Variants in GPM6A observed in about 807,000 individuals in gnomAD.
GPM6A encodes the protein neuronal membrane glycoprotein M6-a.
GPM6A carries 7 observed loss-of-function variants against 32.1 expected under a neutral mutation model. The ratio of observed to expected loss-of-function variants is 0.22; its 90% confidence interval spans 0.12 to 0.41. The LOEUF is 0.41. Ranked by LOEUF, GPM6A falls within the 10% of genes least tolerant of loss-of-function variation. The probability of loss-of-function intolerance (pLI) is 1.00; values close to 1 mark genes in which losing one functional copy is unlikely to be tolerated. For missense variants in GPM6A, 235 were observed against 347.2 expected (o/e 0.68, Z 2.57); for synonymous variants, 130 against 123.4 (o/e 1.05, Z -0.35).
At chr4:175,975,561 A>C (rs893312945) in intron 1 of GPM6A, among the ~76,000 whole-genome samples, 1 of 152,236 alleles carries the variant, frequency 6.6e-6, no homozygotes, top group Non-Finnish European at 1.5e-5. Flanking sequence ...CAACCAAAAA[A>C]TCCAGACTTC....
chr4:175,802,910 A>C (rs1328557488), intron 1 of GPM6A, among the ~76,000 whole-genome samples: 1 of 152,136 alleles, frequency 6.6e-6, no homozygotes, highest in Non-Finnish European at 1.5e-5. Context: ...GAAAGCTGCT[A>C]CCAAACTACT....
intron 1 of GPM6A, among the ~76,000 whole-genome samples, chr4:175,938,522 T>TC (rs1381426577): frequency 3.3e-5 from 5 of 152,164 alleles, no homozygotes; most frequent in African/African-American, 4.8e-5. Flanking sequence ...AGCTTTTTTT[T>TC]CTGTTTGTGG....
At chr4:175,768,441 T>C (rs1013556385) in intron 1 of GPM6A, among the ~76,000 whole-genome samples, 34 of 152,128 alleles carry the variant, frequency 2.2e-4, no homozygotes, top group Admixed American at 5.2e-4. Flanking sequence ...TACGGGAAAA[T>C]GACGTAGCTT....
chr4:175,925,475 A>G (rs1738804696), intron 1 of GPM6A, among the ~76,000 whole-genome samples: 1 of 152,248 alleles, frequency 6.6e-6, no homozygotes, highest in Non-Finnish European at 1.5e-5. Flanking sequence ...AAATGATTTG[A>G]ATTTTAAATC....
intron 1 of GPM6A, among the ~76,000 whole-genome samples, chr4:175,966,827 C>A (rs959700704): frequency 2.6e-5 from 4 of 152,036 alleles, no homozygotes; most frequent in Non-Finnish European, 4.4e-5. Flanking sequence ...TAATAAATAA[C>A]CTTCCAAAAC....
intron 3 of GPM6A, among the ~76,000 whole-genome samples, chr4:175,669,253 G>A (rs1742920408): frequency 1.3e-5 from 2 of 152,096 alleles, no homozygotes; most frequent in Non-Finnish European, 1.5e-5. Flanking sequence ...ATTATACAGA[G>A]TATGTCTTAA....
chr4:175,715,026 C>T (rs1376040329), intron 1 of GPM6A, among the ~76,000 whole-genome samples: 2 of 151,456 alleles, frequency 1.3e-5, no homozygotes, highest in East Asian at 3.9e-4. Context: ...GCTTGAATTC[C>T]ATACACCTGT....
chr4:175,802,405 G>A (rs960886957), intron 1 of GPM6A, among the ~76,000 whole-genome samples: 2 of 152,046 alleles, frequency 1.3e-5, no homozygotes, highest in African/African-American at 2.4e-5. Context: ...CGATACCATT[G>A]ACCAGAGCTC....
At chr4:175,754,977 AC>A (rs1732473699) in intron 1 of GPM6A, among the ~76,000 whole-genome samples, 3 of 151,992 alleles carry the variant, frequency 2.0e-5, no homozygotes, top group Admixed American at 2.0e-4. Flanking sequence ...CACAACACAC[AC>A]GCACACAATT....
chr4:175,896,854 T>G (rs977501758), intron 1 of GPM6A, among the ~76,000 whole-genome samples: 2 of 152,212 alleles, frequency 1.3e-5, no homozygotes, highest in Non-Finnish European at 2.9e-5. Flanking sequence ...ACAGGACTTT[T>G]GGTTCATTTG....
intron 1 of GPM6A, among the ~76,000 whole-genome samples, chr4:175,914,868 G>A (rs1468267230): frequency 6.6e-6 from 1 of 152,078 alleles, no homozygotes; most frequent in African/African-American, 2.4e-5. Context: ...AGTGTTTGCG[G>A]CCCCAACATT....
chr4:175,731,658 C>G (rs2111143133), intron 1 of GPM6A, among the ~76,000 whole-genome samples: 1 of 152,324 alleles, frequency 6.6e-6, no homozygotes, highest in South Asian at 2.1e-4. Context: ...GTTTTATTCT[C>G]TAGGAAGCAG....
intron 1 of GPM6A, among the ~76,000 whole-genome samples, chr4:175,885,561 G>T (rs1737425598): frequency 6.6e-6 from 1 of 152,034 alleles, no homozygotes; most frequent in Non-Finnish European, 1.5e-5. Flanking sequence ...AGCCTGAGAG[G>T]GCAAGGCTGC....
At chr4:176,001,026 C>CT (rs1362327360) in intron 1 of GPM6A, among the ~76,000 whole-genome samples, 1 of 152,178 alleles carries the variant, frequency 6.6e-6, no homozygotes, top group Non-Finnish European at 1.5e-5. Context: ...CAAGAAGAGA[C>CT]TATGAAAGTC....
intron 1 of GPM6A, among the ~76,000 whole-genome samples, chr4:175,782,096 A>T (rs73871215): frequency 6.6e-6 from 1 of 152,042 alleles, no homozygotes; most frequent in Non-Finnish European, 1.5e-5. Flanking sequence ...AGGCTCTGTA[A>T]GTGCTGGCTA....
intron 2 of GPM6A, among the ~76,000 whole-genome samples, chr4:175,691,422 T>G (rs1009033736): frequency 6.6e-6 from 1 of 150,888 alleles, no homozygotes; most frequent in African/African-American, 2.5e-5. Context: ...ATAAGCATTG[T>G]AAATTTTTTT....
At chr4:175,876,653 G>A (rs766512788) in intron 1 of GPM6A, among the ~76,000 whole-genome samples, 4 of 152,154 alleles carry the variant, frequency 2.6e-5, no homozygotes, top group Admixed American at 6.6e-5. Flanking sequence ...ACCTGAAAGG[G>A]TATGCTTTAA....
intron 1 of GPM6A, among the ~76,000 whole-genome samples, chr4:175,885,437 T>C (rs1737420616): frequency 1.3e-5 from 2 of 152,170 alleles, no homozygotes; most frequent in African/African-American, 4.8e-5. Context: ...GGAGACCAAC[T>C]TGGATAACAT....
intron 1 of GPM6A, among the ~76,000 whole-genome samples, chr4:175,991,232 T>A (rs774822130): frequency 0.012 from 412 of 34,394 alleles, 6 homozygotes; most frequent in South Asian, 0.11. Flanking sequence ...CTCCCAGCTA[T>A]TTTTTTTTTT....
Sources: gnomAD v4.1 joint callset for allele counts (sites outside exome capture counted in the v4.1 genomes callset) on GRCh38, gnomAD v4.1.1 for gene constraint, MANE v1.5 for transcripts, NCBI Gene and HGNC (gene_info 2026-07-23, HGNC 2026-07-21) for gene names.